The following MAP2 variants were observed in gnomAD, a reference collection of about 807,000 sequenced individuals.
The protein encoded by MAP2 is microtubule-associated protein 2.
MAP2 carries 14 observed loss-of-function variants against 137.6 expected under a neutral mutation model. The observed-to-expected ratio is 0.10, with a 90% confidence interval of 0.07 to 0.16. MAP2 has a LOEUF of 0.16. MAP2 is among the 10% of genes least tolerant of loss of function. The pLI, the probability that MAP2 is intolerant of heterozygous loss-of-function variation, is 1.00. For missense variants in MAP2, 2,088 were observed against 2,191.5 expected, an observed-to-expected ratio of 0.95 and a Z score of 0.94; for synonymous variants, 786 against 782.3, an observed-to-expected ratio of 1.00 and a Z score of -0.08.
At chr2:209,687,907 GT>G (rs1441939790) in intron 7 of MAP2, among the ~76,000 whole-genome samples, 1 of 152,176 alleles carries the variant, frequency 6.6e-6, no homozygotes, top group African/African-American at 2.4e-5. Context: ...CACCTCTAGT[GT>G]GCTCCCCAGT....
chr2:209,540,362 G>A (rs999860104), intron 2 of MAP2, among the ~76,000 whole-genome samples: 9 of 151,390 alleles, frequency 5.9e-5, no homozygotes, highest in African/African-American at 9.7e-5. Flanking sequence ...GGCCGGGCGC[G>A]GTCGCTCACA....
At chr2:209,714,334 G>C (rs1305501320) in intron 13 of MAP2, among the ~76,000 whole-genome samples, 1 of 152,230 alleles carries the variant, frequency 6.6e-6, no homozygotes, top group Non-Finnish European at 1.5e-5. Flanking sequence ...GTCAGTTAGA[G>C]CATAATCTCT....
At chr2:209,543,437 C>A (rs1456533329) in intron 2 of MAP2, among the ~76,000 whole-genome samples, 1 of 152,100 alleles carries the variant, frequency 6.6e-6, no homozygotes, top group Non-Finnish European at 1.5e-5. Flanking sequence ...AAAATGGCAC[C>A]GATGGACTTG....
At chr2:209,456,279 G>A (rs1360703292) in intron 1 of MAP2, among the ~76,000 whole-genome samples, 1 of 152,122 alleles carries the variant, frequency 6.6e-6, no homozygotes, top group East Asian at 1.9e-4. Context: ...TCTGCTTATA[G>A]TATTAAAAAT....
intron 2 of MAP2, among the ~76,000 whole-genome samples, chr2:209,569,516 T>A (rs1245046741): frequency 6.6e-6 from 1 of 151,738 alleles, no homozygotes; most frequent in Non-Finnish European, 1.5e-5. Context: ...TGTGGCACAT[T>A]AGAAGATGAT....
At chr2:209,480,426 G>A (rs544378666) in intron 1 of MAP2, among the ~76,000 whole-genome samples, 3 of 152,250 alleles carry the variant, frequency 2.0e-5, no homozygotes, top group Admixed American at 2.0e-4. Context: ...TTCTGGCTGA[G>A]TCTGTGGATA....
Position 209,694,520 on chromosome 2 carries a change from A to G in MAP2, c.2350A>G (p.Ile784Val). 6.2e-7 allele frequency: 1 copy of G among 1,614,086 alleles called. No individual in the cohort carries two copies. The highest frequency in any genetic ancestry group is 8.5e-7 in the Non-Finnish European group (1 of 1,179,982). Residue 784 changes from isoleucine (I) to valine (V), a missense_variant, in exon 8 of 16, where the codon ATA (isoleucine) becomes GTA (valine). Coordinates refer to ENST00000682079, the MANE Select transcript of MAP2 (RefSeq NM_001375505.1). Reference sequence around the variant, plus strand: ...TGGAGAAGAAAGTACTCAAGCGGAGATATCATGTGAGTCTCCTTTCCTAGC... The same window carrying G: ...TGGAGAAGAAAGTACTCAAGCGGAGGTATCATGTGAGTCTCCTTTCCTAGC... ...ATGEESTQAE[I>V]SCESPFLAKD...
chr2:209,516,030 C>T (rs1481252441), intron 2 of MAP2, among the ~76,000 whole-genome samples: 2 of 152,014 alleles, frequency 1.3e-5, no homozygotes, highest in African/African-American at 2.4e-5. Context: ...CCTGGGCTCA[C>T]GCAATCCTCC....
At chr2:209,729,708 ACT>A (rs2075379638) in intron 14 of MAP2, 140 bp from the exon 15 acceptor site, 4 of 604,952 alleles carry the variant, frequency 6.6e-6, no homozygotes, top group Non-Finnish European at 9.0e-6. Context: ...ATTCTAAAAG[ACT>A]CTTTTTACAT....
intron 1 of MAP2, among the ~76,000 whole-genome samples, chr2:209,449,660 A>G (rs1014120591): frequency 1.3e-5 from 2 of 152,224 alleles, no homozygotes; most frequent in East Asian, 1.9e-4. Context: ...AATATCTCAA[A>G]GAAAAATGTA....
chr2:209,575,555 T>G (rs903858273), intron 2 of MAP2, among the ~76,000 whole-genome samples: 3 of 147,016 alleles, frequency 2.0e-5, no homozygotes. Flanking sequence ...TACATATATA[T>G]GTGGCAAGGA....
intron 14 of MAP2, among the ~76,000 whole-genome samples, chr2:209,728,125 C>T (rs2074745684): frequency 6.6e-6 from 1 of 152,098 alleles, no homozygotes; most frequent in Admixed American, 6.5e-5. Context: ...CAGAGCAGAC[C>T]TTGTCTCCAA....
chr2:209,680,912 T>C, intron 7 of MAP2, 85 bp downstream of exon 7: 1 of 1,091,272 alleles, frequency 9.2e-7, no homozygotes, highest in Middle Eastern at 2.0e-4. Flanking sequence ...GACTTTGGTA[T>C]TGGTTAGTAT....
chr2:209,656,946 A>G (rs1357652035), intron 5 of MAP2, among the ~76,000 whole-genome samples: 1 of 151,970 alleles, frequency 6.6e-6, no homozygotes, highest in Non-Finnish European at 1.5e-5. Context: ...CGCCTTTTTG[A>G]GTCTCCAATG....
intron 11 of MAP2, among the ~76,000 whole-genome samples, chr2:209,701,351 T>A (rs2061702828): frequency 6.6e-6 from 1 of 151,906 alleles, no homozygotes; most frequent in South Asian, 2.1e-4. Context: ...TCTTTTCTAT[T>A]TTTTCTGTGA....
At chr2:209,512,438 T>C (rs1160784128) in intron 2 of MAP2, among the ~76,000 whole-genome samples, 14 of 151,714 alleles carry the variant, frequency 9.2e-5, no homozygotes. Flanking sequence ...TTTTTCTAGA[T>C]TTTACATGTG....
chr2:209,679,074 T>C (rs111511557), intron 6 of MAP2, among the ~76,000 whole-genome samples: 1 of 152,098 alleles, frequency 6.6e-6, no homozygotes, highest in East Asian at 1.9e-4. Flanking sequence ...TGGTGAATGA[T>C]TATACTGTAG....
At chr2:209,635,274 T>C (rs1442887959) in intron 4 of MAP2, among the ~76,000 whole-genome samples, 2 of 152,132 alleles carry the variant, frequency 1.3e-5, no homozygotes, top group Non-Finnish European at 2.9e-5. Context: ...AACCTCATTA[T>C]GGAAAAAATA....
In MAP2 at chr2:209,694,905, T is replaced by A; in HGVS notation, c.2735T>A (p.Leu912His). 1 of 1,614,178 alleles carries A rather than the reference T, an allele frequency of 6.2e-7. No individual in the cohort carries two copies. The highest frequency in any genetic ancestry group is 8.5e-7 in the Non-Finnish European group (1 of 1,180,028). ...DKVRRDLATD[L>H]SLIEVKLAAA... is the part of the protein sequence containing the mutation. ...GTTCGAAGAGATTTGGCCACAGACC[T>A]TTCACTGATTGAAGTGAAACTGGCA... is the stretch of plus-strand genomic sequence containing the variant. The change falls in exon 8 of 16, where the codon CTT becomes CAT. Residue 912 changes from leucine (L) to histidine (H), a missense_variant. Transcript: ENST00000682079.
Sources: allele counts gnomAD v4.1 joint callset (sites outside exome capture counted in the v4.1 genomes callset), GRCh38; gene constraint gnomAD v4.1.1; transcripts MANE v1.5; gene names NCBI Gene and HGNC (gene_info 2026-07-23, HGNC 2026-07-21).